PPP6R3: variants seen among roughly 807,000 people sequenced by gnomAD.
The protein encoded by PPP6R3 is serine/threonine-protein phosphatase 6 regulatory subunit 3.
PPP6R3 carries 38 observed loss-of-function variants against 110.7 expected under a neutral mutation model. The observed-to-expected ratio is 0.34, with a 90% CI of 0.26 to 0.45. The LOEUF is 0.45. Ranked by LOEUF, PPP6R3 falls within the 20% of genes least tolerant of loss-of-function variation. The pLI is 1.00. For synonymous variants in PPP6R3, 369 were observed against 373.5 expected, an observed-to-expected ratio of 0.99 and a Z score of 0.14; for missense variants, 870 against 1,062.4, an observed-to-expected ratio of 0.82 and a Z score of 2.52.
Position 68,564,373 on chromosome 11 carries a change from C to A in PPP6R3, c.916C>A (p.Leu306Ile). The A allele has an allele frequency of 6.2e-7, 1 of 1,613,540 alleles. No homozygotes were observed. Among genetic ancestry groups the A allele is most frequent in the Non-Finnish European group, 8.5e-7 (1 of 1,179,426 alleles). ...AGCTTGTTCAGTAAACAAGAGTGTT[C>A]TAGAAGCCATCAGAGGAAGACTTGG... Reference protein sequence around the residue: ...HSACSVNKSVLEAIRGRLGSF... With the variant: ...HSACSVNKSVIEAIRGRLGSF... Residue 306 changes from leucine to isoleucine, a missense_variant, in exon 9 of 24, where the codon CTA becomes ATA. Leu to Ile is a conservative substitution (Grantham distance 5). Coordinates refer to ENST00000393800, the MANE Select transcript of PPP6R3 (RefSeq NM_001164161.2).
intron 14 of PPP6R3, among the ~76,000 whole-genome samples, chr11:68,581,793 ATCTACCTTTGATTTCATCAGGCCAGAT>A (rs1207726808): frequency 1.3e-5 from 2 of 152,220 alleles, no homozygotes; most frequent in Non-Finnish European, 2.9e-5. Context: ...TGATCACGGA[ATCTACCTTTGATTTCATCAGGCCAGAT>A]TCACAAACAG....
At chr11:68,577,553 T>C (rs115633717) in intron 14 of PPP6R3, among the ~76,000 whole-genome samples, 3,583 of 152,314 alleles carry the variant, frequency 0.024, 126 homozygotes, top group African/African-American at 0.079. Context: ...TAAACAATTG[T>C]TTTTATCTTA....
chr11:68,597,817 G>GAA (rs10690649), intron 19 of PPP6R3, among the ~76,000 whole-genome samples: 28,477 of 118,980 alleles, frequency 0.24, 3,476 homozygotes, highest in Middle Eastern at 0.32. Context: ...TGTCTCTACT[G>GAA]AAAAAAAAAA....
intron 2 of PPP6R3, among the ~76,000 whole-genome samples, chr11:68,527,923 A>C (rs1193938388): frequency 6.6e-6 from 1 of 152,208 alleles, no homozygotes; most frequent in Non-Finnish European, 1.5e-5. Flanking sequence ...TATGTTATGC[A>C]GCTCCATTCA....
intron 1 of PPP6R3, among the ~76,000 whole-genome samples, chr11:68,506,298 GTCTTGCTA>G: frequency 6.7e-6 from 1 of 150,334 alleles, no homozygotes; most frequent in Non-Finnish European, 1.5e-5. Flanking sequence ...TAGAGACGGG[GTCTTGCTA>G]TTTTGCACAG....
intron 1 of PPP6R3, among the ~76,000 whole-genome samples, chr11:68,463,392 C>T (rs928360932): frequency 6.9e-6 from 1 of 144,138 alleles, no homozygotes; most frequent in African/African-American, 2.6e-5. Flanking sequence ...GGGCTTTGCA[C>T]CTATTTGGTA....
intron 9 of PPP6R3, among the ~76,000 whole-genome samples, chr11:68,566,758 G>A (rs996663555): frequency 6.6e-6 from 1 of 152,104 alleles, no homozygotes; most frequent in Non-Finnish European, 1.5e-5. Flanking sequence ...ATAACAGCTT[G>A]GAATGTTGAG....
intron 22 of PPP6R3, among the ~76,000 whole-genome samples, chr11:68,604,089 A>T (rs774710214): frequency 9.2e-5 from 14 of 152,258 alleles, no homozygotes; most frequent in Non-Finnish European, 1.8e-4. Context: ...AGACCATTCC[A>T]GCCATTACAA....
At chr11:68,548,325 G>T in intron 5 of PPP6R3, 121 bp downstream of exon 5, 1 of 1,321,628 alleles carries the variant, frequency 7.6e-7, no homozygotes, top group East Asian at 2.5e-5. Flanking sequence ...GGTTGTCTGG[G>T]GAGCCGGTAA....
At chr11:68,612,775 G>A (rs1944235895) in intron 23 of PPP6R3, 1 of 423,678 alleles carries the variant, frequency 2.4e-6, no homozygotes, top group Admixed American at 3.7e-5. Flanking sequence ...CACTGACCTA[G>A]TCACTCCCTG....
chr11:68,594,265 G>GGAGA lies in PPP6R3; in HGVS notation c.1917-1808_1917-1805dup, dbSNP rs56125097. Among the ~76,000 whole-genome samples, 965 of 136,996 alleles carry GGAGA rather than the reference G, an allele frequency of 7.0e-3. 1 individual carries two copies. Among genetic ancestry groups the GGAGA allele is most frequent in the South Asian group, 0.016 (67 of 4,112 alleles). The allele number at this position is 136,996 out of a possible 152,430, so 89.9% of individuals were successfully genotyped here. On this transcript the variant is annotated intron_variant, in intron 18 of 23. Transcript: ENST00000393800. ...TAGACCCCCGTCTCTTAAAAAAGGG[G>GGAGA]GAGAGAGAGAGAGAGAGAGAGAGAG...
rs997158169 is a variant in PPP6R3, at chr11:68,507,357, T to C, written c.-157-12144T>C. Among the ~76,000 whole-genome samples the C allele has an allele frequency of 3.3e-5, 5 of 151,992 alleles. No individual in the cohort carries two copies. The East Asian group carries it at 9.6e-4, about 29-fold the overall frequency. On this transcript the variant is annotated intron_variant, in intron 1 of 23. Coordinates refer to ENST00000393800, the MANE Select transcript of PPP6R3 (RefSeq NM_001164161.2). Reference sequence around the variant, plus strand: ...GTTGGTGTTTCTGAAATTGGCTGATTGAGTTGCCTGTCTATAGTTATTTTT... The same window carrying C: ...GTTGGTGTTTCTGAAATTGGCTGATCGAGTTGCCTGTCTATAGTTATTTTT...
At chr11:68,575,713 C>T (rs1184302080) in intron 13 of PPP6R3, among the ~76,000 whole-genome samples, 1 of 152,168 alleles carries the variant, frequency 6.6e-6, no homozygotes, top group African/African-American at 2.4e-5. Context: ...CTCATCAAGC[C>T]TATACCATTG....
chr11:68,594,227 A>G (rs959406334), intron 18 of PPP6R3, among the ~76,000 whole-genome samples: 10 of 151,772 alleles, frequency 6.6e-5, no homozygotes, highest in Non-Finnish European at 1.3e-4. Flanking sequence ...ACTGCATTCT[A>G]GCCTAAGCGA....
intron 1 of PPP6R3, among the ~76,000 whole-genome samples, chr11:68,500,636 C>T (rs1416579184): frequency 6.6e-6 from 1 of 152,154 alleles, no homozygotes; most frequent in Non-Finnish European, 1.5e-5. Flanking sequence ...TGCCACCACG[C>T]CCGGCTAATT....
intron 15 of PPP6R3, 90 bp downstream of exon 15, chr11:68,583,219 G>A: frequency 5.1e-6 from 5 of 979,116 alleles, no homozygotes; most frequent in South Asian, 1.7e-5. Flanking sequence ...GTCAGATTAT[G>A]TATTAGAATG....
At chr11:68,511,307 C>T (rs1264690657) in intron 1 of PPP6R3, among the ~76,000 whole-genome samples, 2 of 151,466 alleles carry the variant, frequency 1.3e-5, no homozygotes, top group Non-Finnish European at 2.9e-5. Context: ...CCTTGTGATC[C>T]GCCCGCCTTG....
intron 1 of PPP6R3, among the ~76,000 whole-genome samples, chr11:68,516,751 A>AT (rs1318386854): frequency 6.6e-6 from 1 of 152,122 alleles, no homozygotes; most frequent in Admixed American, 6.5e-5. Flanking sequence ...TCTATTTTTA[A>AT]TTTTTTGAGG....
In PPP6R3 at chr11:68,614,590, G is replaced by A. The variant is rs188435298; in HGVS notation, c.*1473G>A. On this transcript the variant is annotated 3_prime_UTR_variant, in exon 24 of 24. Coordinates refer to ENST00000393800, the MANE Select transcript of PPP6R3 (RefSeq NM_001164161.2). ...GCATATGGAAATAAAAGAATCAAAC[G>A]TCTAATGCCTTATTATTTCTGATTT... 1.2e-3 allele frequency: 1,773 copies of A among 1,504,792 alleles called. 1 individual carries two copies. Among genetic ancestry groups the A allele is most frequent in the African/African-American group, 1.4e-3 (99 of 68,850 alleles). The allele number at this position is 1,504,792 out of a possible 1,614,324, so 93.2% of individuals were successfully genotyped here.
Sources: allele counts gnomAD v4.1 joint callset (sites outside exome capture counted in the v4.1 genomes callset), GRCh38; gene constraint gnomAD v4.1.1; transcripts MANE v1.5; gene names NCBI Gene and HGNC (gene_info 2026-07-23, HGNC 2026-07-21).